PTPRC: variants seen among roughly 807,000 people sequenced by gnomAD.
PTPRC encodes receptor-type tyrosine-protein phosphatase C.
Under a neutral mutation model 155.9 loss-of-function variants are expected in PTPRC, and 44 were observed. The observed-to-expected ratio is 0.28, with a 90% CI of 0.22 to 0.36. The LOEUF is 0.36. PTPRC is among the 10% of genes least tolerant of loss of function. The pLI, the probability that PTPRC is intolerant of heterozygous loss-of-function variation, is 1.00. For synonymous variants in PTPRC, 525 were observed against 533.1 expected, an observed-to-expected ratio of 0.98 and a Z score of 0.21; for missense variants, 1,401 against 1,564.6, an observed-to-expected ratio of 0.90 and a Z score of 1.76.
Position 198,734,203 on chromosome 1 carries a change from A to G in PTPRC, c.2150A>G (p.Lys717Arg), listed in dbSNP as rs148550226. ...TGCATGTGTTTTCAATAGGGTTTCA[A>G]AGAACCCAGGAAATACATTGCTGCA... ...YINASYIDGF[K>R]EPRKYIAAQG... Residue 717 changes from lysine (K) to arginine (R), a missense_variant, in exon 21 of 33, where the codon AAA becomes AGA. By Grantham distance (26) the Lys-to-Arg change is conservative. Coordinates refer to ENST00000442510, the MANE Select transcript of PTPRC (RefSeq NM_002838.5). The G allele has an allele frequency of 6.2e-7, 1 of 1,610,540 alleles. No individual in the cohort carries two copies. The highest frequency in any genetic ancestry group is 8.5e-7 in the Non-Finnish European group (1 of 1,177,830).
intron 2 of PTPRC, among the ~76,000 whole-genome samples, chr1:198,662,569 A>G (rs1011195369): frequency 6.6e-6 from 1 of 152,086 alleles, no homozygotes; most frequent in Admixed American, 6.6e-5. Context: ...AGAGTGGCTT[A>G]TATGATAGAA....
chr1:198,659,966 ATATATCTATATAAATAGAT>A (rs1257154924), intron 2 of PTPRC, among the ~76,000 whole-genome samples: 1 of 149,234 alleles, frequency 6.7e-6, no homozygotes, highest in Non-Finnish European at 1.5e-5. Context: ...ATATGGACAT[ATATATCTATATAAATAGAT>A]TATATCTATA....
At chr1:198,658,400 T>A (rs909416154) in intron 2 of PTPRC, among the ~76,000 whole-genome samples, 2 of 152,256 alleles carry the variant, frequency 1.3e-5, no homozygotes, top group Non-Finnish European at 2.9e-5. Context: ...TGCTTTCTTA[T>A]ACAAGGAGGG....
chr1:198,736,956 T>G (rs1287929627), intron 23 of PTPRC, among the ~76,000 whole-genome samples: 2 of 151,750 alleles, frequency 1.3e-5, no homozygotes, highest in Non-Finnish European at 2.9e-5. Context: ...TTGACCACCT[T>G]TTTATTTATC....
chr1:198,652,782 G>A (rs1663326443), intron 2 of PTPRC, among the ~76,000 whole-genome samples: 1 of 151,686 alleles, frequency 6.6e-6, no homozygotes, highest in African/African-American at 2.4e-5. Flanking sequence ...AATACTTTCA[G>A]GGTGACCCAT....
chr1:198,748,089 G>GTTT lies in PTPRC; in HGVS notation c.2848-6_2848-4dup, dbSNP rs57296163. 4,074 of 1,468,312 alleles carry GTTT rather than the reference G, an allele frequency of 2.8e-3. 4 individuals carry two copies. The highest frequency in any genetic ancestry group is 4.8e-3 in the South Asian group (371 of 77,934). The allele number at this position is 1,468,312 out of a possible 1,614,324, so 91.0% of individuals were successfully genotyped here. ...ATTTACATTTTAAAGGAGTTTTTCT[G>GTTT]TTTTTTTTTTTTTTTTCAGAGACTT... On this transcript the variant is annotated intron_variant, in intron 26 of 32. Coordinates refer to ENST00000442510, the MANE Select transcript of PTPRC (RefSeq NM_002838.5).
At chr1:198,699,291 G>A (rs1257638197) in intron 4 of PTPRC, among the ~76,000 whole-genome samples, 1 of 152,188 alleles carries the variant, frequency 6.6e-6, no homozygotes, top group Non-Finnish European at 1.5e-5. Flanking sequence ...AAAGCTCATA[G>A]TGATGTGAAA....
At chr1:198,755,129 G>T (rs968566769) in intron 32 of PTPRC, among the ~76,000 whole-genome samples, 1 of 152,078 alleles carries the variant, frequency 6.6e-6, no homozygotes, top group African/African-American at 2.4e-5. Context: ...CATAAAGCCT[G>T]CCCAGATTCA....
At chr1:198,662,105 C>A (rs1664001747) in intron 2 of PTPRC, among the ~76,000 whole-genome samples, 1 of 152,114 alleles carries the variant, frequency 6.6e-6, no homozygotes, top group South Asian at 2.1e-4. Context: ...TCAGAGTCAA[C>A]CTAACCAGAT....
At chr1:198,701,289 A>G (rs1009620380) in intron 5 of PTPRC, among the ~76,000 whole-genome samples, 3 of 152,196 alleles carry the variant, frequency 2.0e-5, no homozygotes, top group Non-Finnish European at 4.4e-5. Context: ...ACTGTACTGC[A>G]TTTGTAATTG....
At position 198,741,988 on chromosome 1, in the gene PTPRC, C is replaced by T. The variant is rs772146031; in HGVS notation, c.2523C>T (p.Phe841=). ...AACTGAGAAGGAGAGTGAATGCCTT[C>T]AGCAATTTCTTCAGTGGTCCCATTG... ...LLKLRRRVNA[F]SNFFSGPIVV... The change falls in exon 24 of 33, where the codon TTC becomes TTT. Residue 841 remains phenylalanine (F), a synonymous_variant. Coordinates refer to ENST00000442510, the MANE Select transcript of PTPRC (RefSeq NM_002838.5). 1.2e-6 allele frequency: 2 copies of T among 1,611,242 alleles called. No homozygotes were observed. The highest frequency in any genetic ancestry group is 1.7e-5 in the Admixed American group (1 of 59,676).
chr1:198,669,602 C>T (rs149670221), intron 2 of PTPRC, among the ~76,000 whole-genome samples: 271 of 152,240 alleles, frequency 1.8e-3, no homozygotes, highest in East Asian at 0.012. Context: ...ATGGAATCCA[C>T]GGCATGGTGA....
chr1:198,710,803 A>C (rs576840786), intron 11 of PTPRC, among the ~76,000 whole-genome samples: 3 of 152,328 alleles, frequency 2.0e-5, no homozygotes, highest in African/African-American at 7.2e-5. Context: ...TTTGTTTATT[A>C]ATGATAATAT....
intron 25 of PTPRC, among the ~76,000 whole-genome samples, 200 bp downstream of exon 25, chr1:198,742,567 A>G (rs569040288): frequency 2.1e-4 from 32 of 152,050 alleles, no homozygotes; most frequent in African/African-American, 7.5e-4. Context: ...ACTGTGGAAG[A>G]AAGATGACCA....
chr1:198,732,909 A>C (rs1033749713), intron 20 of PTPRC, among the ~76,000 whole-genome samples: 1 of 151,828 alleles, frequency 6.6e-6, no homozygotes, highest in Non-Finnish European at 1.5e-5. Context: ...TGGGAGGCTC[A>C]GTTTAGTTAA....
At chr1:198,697,205 G>A (rs753059455) in intron 4 of PTPRC, among the ~76,000 whole-genome samples, 2 of 152,072 alleles carry the variant, frequency 1.3e-5, no homozygotes, top group African/African-American at 2.4e-5. Context: ...TGATTCTCCC[G>A]CTTGGCTTCC....
chr1:198,735,950 G>C (rs901250624), intron 23 of PTPRC, among the ~76,000 whole-genome samples: 2 of 151,566 alleles, frequency 1.3e-5, no homozygotes, highest in African/African-American at 4.8e-5. Context: ...ACTATTTAGT[G>C]AATGTAATAT....
At chr1:198,749,149 A>G (rs1655265751) in intron 27 of PTPRC, among the ~76,000 whole-genome samples, 1 of 151,792 alleles carries the variant, frequency 6.6e-6, no homozygotes, top group Non-Finnish European at 1.5e-5. Flanking sequence ...AAGATTAAAT[A>G]ATCATATATA....
chr1:198,732,244 G>T, intron 18 of PTPRC, 56 bp from the exon 19 acceptor site: 1 of 1,346,772 alleles, frequency 7.4e-7, no homozygotes, highest in Non-Finnish European at 1.1e-6. Context: ...CATTGGTAAG[G>T]GGGAAATTAT....
Sources: gnomAD v4.1 joint callset for allele counts (sites outside exome capture counted in the v4.1 genomes callset) on GRCh38, gnomAD v4.1.1 for gene constraint, MANE v1.5 for transcripts, NCBI Gene and HGNC (gene_info 2026-07-23, HGNC 2026-07-21) for gene names.